The following DLGAP4 variants were observed in gnomAD, a reference collection of about 807,000 sequenced individuals.
DLGAP4 encodes DLG associated protein 4.
In DLGAP4, 18 loss-of-function variants were observed where a neutral mutation model predicts 86.9. That is an observed-to-expected ratio of 0.21 (90% CI 0.14 to 0.31). The LOEUF is 0.31. Ranked by LOEUF, DLGAP4 falls within the 10% of genes least tolerant of loss-of-function variation. The probability of loss-of-function intolerance (pLI) is 1.00; values close to 1 mark genes in which losing one functional copy is unlikely to be tolerated. For missense variants in DLGAP4, 1,085 were observed against 1,362.6 expected (o/e 0.80, Z 3.21); for synonymous variants, 548 against 574.3 (o/e 0.95, Z 0.65).
chr20:36,386,561 G>A (rs949227611), intron 2 of DLGAP4, among the ~76,000 whole-genome samples: 2 of 152,082 alleles, frequency 1.3e-5, no homozygotes, highest in Admixed American at 6.5e-5. Context: ...CAAACCCAGG[G>A]GTGTTGTTTG....
At chr20:36,396,111 G>A (rs2031939718) in intron 2 of DLGAP4, among the ~76,000 whole-genome samples, 1 of 151,958 alleles carries the variant, frequency 6.6e-6, no homozygotes, top group Admixed American at 6.6e-5. Context: ...CGTCCACTGA[G>A]GAGGGAAGCA....
At chr20:36,472,965 C>G (rs969561198) in intron 7 of DLGAP4, among the ~76,000 whole-genome samples, 1 of 152,158 alleles carries the variant, frequency 6.6e-6, no homozygotes, top group Admixed American at 6.5e-5. Context: ...TGGCCTGGCC[C>G]ACTGCTGTCT....
At position 36,460,631 on chromosome 20, in the gene DLGAP4, C is replaced by T. The variant is rs745947267; in HGVS notation, c.1648+13694C>T. On this transcript the variant is annotated intron_variant, in intron 7 of 12. Coordinates refer to ENST00000339266, the MANE Select transcript of DLGAP4 (RefSeq NM_001365621.2). ...TTGGGTCTGCGTCTGGCAGACCTAC[C>T]ACAGGTGCGGCCTGGAGAGATGAGG... Among the ~76,000 whole-genome samples the T allele has an allele frequency of 2.4e-4, 36 of 152,308 alleles. 1 individual carries two copies. Among genetic ancestry groups the T allele is most frequent in the Non-Finnish European group, 4.9e-4 (33 of 68,028 alleles).
In DLGAP4 at chr20:36,308,488, C is replaced by T. The variant is rs921232182; in HGVS notation, c.-304+1976C>T. 1.3e-5 allele frequency among the ~76,000 whole-genome samples: 2 copies of T among 152,190 alleles called. No homozygotes were observed. Among genetic ancestry groups the T allele is most frequent in the South Asian group, 2.1e-4 (1 of 4,834 alleles). Reference sequence around the variant, plus strand: ...AACTGCAGGTCTGAGGGCTGTGCCCCGGGCGTGAAGCTGCCTGGCAGCTGA... The same window carrying T: ...AACTGCAGGTCTGAGGGCTGTGCCCTGGGCGTGAAGCTGCCTGGCAGCTGA... On this transcript the variant is annotated intron_variant, in intron 1 of 12. Transcript: ENST00000339266. The surrounding 1 kb of genome is among the most constrained non-coding windows in gnomAD (Gnocchi z 4.5).
intron 2 of DLGAP4, among the ~76,000 whole-genome samples, chr20:36,409,607 A>T (rs545146771): frequency 4.0e-5 from 6 of 150,542 alleles, no homozygotes; most frequent in Non-Finnish European, 7.4e-5. Flanking sequence ...CCCAGCTACT[A>T]GGGAGGCTGA....
intron 2 of DLGAP4, among the ~76,000 whole-genome samples, chr20:36,392,725 T>G (rs897904025): frequency 6.6e-6 from 1 of 152,226 alleles, no homozygotes; most frequent in African/African-American, 2.4e-5. Context: ...AAGCACCTAC[T>G]AGGTTTCAGG....
intron 2 of DLGAP4, among the ~76,000 whole-genome samples, chr20:36,383,882 G>A (rs2031492601): frequency 6.6e-6 from 1 of 151,934 alleles, no homozygotes; most frequent in Non-Finnish European, 1.5e-5. Context: ...GGCTGAGGCA[G>A]GAGAATGGCG....
intron 1 of DLGAP4, among the ~76,000 whole-genome samples, chr20:36,347,678 T>C (rs1377458495): frequency 6.6e-6 from 1 of 151,070 alleles, no homozygotes; most frequent in African/African-American, 2.4e-5. Context: ...TTTTAAAAAT[T>C]AGCCCAACAT....
At chr20:36,494,144 T>A (rs1014595679) in intron 7 of DLGAP4, among the ~76,000 whole-genome samples, 1 of 152,160 alleles carries the variant, frequency 6.6e-6, no homozygotes, top group South Asian at 2.1e-4. Context: ...ATCTCTGAGT[T>A]TTCTCAAGGC....
chr20:36,404,974 G>GAT (rs1431745091), intron 2 of DLGAP4, among the ~76,000 whole-genome samples: 2 of 152,240 alleles, frequency 1.3e-5, no homozygotes, highest in South Asian at 2.1e-4. Flanking sequence ...CTCTGGAGGA[G>GAT]GCGGTGTGCG....
chr20:36,307,620 G>A (rs782272397), intron 1 of DLGAP4, among the ~76,000 whole-genome samples: 4 of 152,188 alleles, frequency 2.6e-5, no homozygotes, highest in Non-Finnish European at 5.9e-5. Context: ...TTGGAGGGCA[G>A]CGCTGATGGG....
chr20:36,431,554 C>T lies in DLGAP4; in HGVS notation c.-72-92C>T. 1 of 761,834 alleles carries T rather than the reference C, an allele frequency of 1.3e-6. No homozygotes were observed. The highest frequency in any genetic ancestry group is 3.0e-5 in the Admixed American group (1 of 32,952). The allele number at this position is 761,834 out of a possible 1,614,324, so 47.2% of individuals were successfully genotyped here. A position where few individuals can be genotyped will look rare whatever the true frequency, so the allele number is the denominator to read the frequency against. On this transcript the variant is annotated intron_variant, in intron 2 of 12. Coordinates refer to ENST00000339266, the MANE Select transcript of DLGAP4 (RefSeq NM_001365621.2). This position sits in a 1 kb window ranked among gnomAD's most constrained non-coding sequence, Gnocchi z 5.1. ...ACATTGAGGACTGGCTTCAGAGATCCTCCCAGCCTTGCGATCTGGATCTGA... is the reference window on the plus strand; with the variant it reads ...ACATTGAGGACTGGCTTCAGAGATCTTCCCAGCCTTGCGATCTGGATCTGA...
chr20:36,430,800 C>CA, intron 2 of DLGAP4, among the ~76,000 whole-genome samples: 1 of 151,752 alleles, frequency 6.6e-6, no homozygotes, highest in South Asian at 2.1e-4. Context: ...ACTAAAAATA[C>CA]AAAAATTAGC....
chr20:36,315,802 C>G (rs2065093904), intron 1 of DLGAP4, among the ~76,000 whole-genome samples: 1 of 152,158 alleles, frequency 6.6e-6, no homozygotes, highest in Non-Finnish European at 1.5e-5. Context: ...CCCAAGCCTT[C>G]CCGGCACTGG....
intron 2 of DLGAP4, among the ~76,000 whole-genome samples, chr20:36,425,666 C>G (rs1324522572): frequency 1.3e-5 from 2 of 151,976 alleles, no homozygotes; most frequent in Non-Finnish European, 2.9e-5. Context: ...ACTAAAAATA[C>G]AAAACATAGC....
chr20:36,479,936 G>A (rs1045354662), intron 7 of DLGAP4, among the ~76,000 whole-genome samples: 1 of 152,100 alleles, frequency 6.6e-6, no homozygotes, highest in African/African-American at 2.4e-5. Context: ...CAGCAGCTCC[G>A]TGGGCCCTTT....
chr20:36,438,405 G>C (rs2033348453), intron 4 of DLGAP4, among the ~76,000 whole-genome samples: 1 of 149,130 alleles, frequency 6.7e-6, no homozygotes, highest in African/African-American at 2.5e-5. Context: ...TAATATATAT[G>C]TATGTATATG....
chr20:36,512,047 ATTT>A (rs72011781), intron 10 of DLGAP4, among the ~76,000 whole-genome samples: 9 of 116,074 alleles, frequency 7.8e-5, no homozygotes, highest in African/African-American at 2.9e-4. Context: ...TGTCTCTCTG[ATTT>A]TTTTTTTTTT....
chr20:36,512,217 A>G (rs1246614690), intron 10 of DLGAP4, among the ~76,000 whole-genome samples: 1 of 151,326 alleles, frequency 6.6e-6, no homozygotes, highest in African/African-American at 2.4e-5. Flanking sequence ...CGCCCAGCTA[A>G]TTTTTTGTAA....
Sources: allele counts gnomAD v4.1 joint callset (sites outside exome capture counted in the v4.1 genomes callset), GRCh38; gene constraint gnomAD v4.1.1; non-coding constraint Gnocchi (gnomAD v3.1); transcripts MANE v1.5; gene names NCBI Gene and HGNC (gene_info 2026-07-23, HGNC 2026-07-21).